Variants in MEGF9 observed in about 807,000 individuals in gnomAD.
MEGF9 encodes multiple EGF like domains 9.
MEGF9 carries 6 observed loss-of-function variants against 46.8 expected under a neutral mutation model. The ratio of observed to expected loss-of-function variants is 0.13; its 90% CI spans 0.07 to 0.25. The LOEUF (loss-of-function observed/expected upper bound fraction) is 0.25, where lower values mean the gene tolerates loss of function less well. Among genes scored for constraint, MEGF9 ranks in the 10% least tolerant of loss-of-function variants. The pLI, the probability that MEGF9 is intolerant of heterozygous loss-of-function variation, is 1.00. For synonymous variants in MEGF9, 302 were observed against 330.7 expected, an observed-to-expected ratio of 0.91 and a Z score of 0.94; for missense variants, 683 against 792.4, an observed-to-expected ratio of 0.86 and a Z score of 1.66.
At chr9:120,708,292 G>C (rs982303604) in intron 1 of MEGF9, among the ~76,000 whole-genome samples, 2 of 152,156 alleles carry the variant, frequency 1.3e-5, no homozygotes, top group African/African-American at 2.4e-5. Flanking sequence ...TTGAACCGGG[G>C]AGGTGGAGGT....
intron 4 of MEGF9, 110 bp from the exon 5 acceptor site, chr9:120,608,120 A>G: frequency 8.0e-7 from 1 of 1,253,366 alleles, no homozygotes; most frequent in Non-Finnish European, 1.1e-6. Flanking sequence ...TTTGGAGGCC[A>G]AGGTGGAAGG....
rs1052566709 is a variant in MEGF9 at position 120,604,524 on chromosome 9, T to C, written c.*666A>G. 1 of 152,784 alleles carries C rather than the reference T, an allele frequency of 6.5e-6. No homozygotes were observed. Among genetic ancestry groups the C allele is most frequent in the Non-Finnish European group, 1.5e-5 (1 of 68,162 alleles). The allele number at this position is 152,784 out of a possible 1,614,324, so 9.5% of individuals were successfully genotyped here. A position where few individuals can be genotyped will look rare whatever the true frequency, so the allele number is the denominator to read the frequency against. On this transcript the variant is annotated 3_prime_UTR_variant, in exon 6 of 6. Coordinates refer to ENST00000373930, the MANE Select transcript of MEGF9 (RefSeq NM_001080497.3). Reference sequence around the variant, plus strand: ...TTTTTAGACAATTTATCATTTACACTGAGACCCTGAGGAGGACCATCAGCC... The same window carrying C: ...TTTTTAGACAATTTATCATTTACACCGAGACCCTGAGGAGGACCATCAGCC...
At position 120,602,612 on chromosome 9, in the gene MEGF9, A is replaced by C. The variant is rs2043402026; in HGVS notation, c.*2578T>G. The stretch of plus-strand genomic sequence containing the variant: ...TAAAGGTAAACTTTCTTTGTGATTC[A>C]ATTTTTCAATACCTTTTAAGGTCTG... On this transcript the variant is annotated 3_prime_UTR_variant, in exon 6 of 6. Coordinates refer to ENST00000373930, the MANE Select transcript of MEGF9 (RefSeq NM_001080497.3). The C allele has an allele frequency of 6.6e-6, 1 of 152,168 alleles. No homozygotes were observed. Among genetic ancestry groups the C allele is most frequent in the African/African-American group, 2.4e-5 (1 of 41,428 alleles). 9.4% of individuals were successfully genotyped at this position (152,168 alleles called of 1,614,324 possible). A position where few individuals can be genotyped will look rare whatever the true frequency, so the allele number is the denominator to read the frequency against.
intron 2 of MEGF9, among the ~76,000 whole-genome samples, chr9:120,652,598 A>ACACACAC (rs1472868910): frequency 6.6e-6 from 1 of 151,696 alleles, no homozygotes; most frequent in African/African-American, 2.4e-5. Flanking sequence ...AGGCACACAC[A>ACACACAC]CACACACACA....
rs1164763787 is a variant in MEGF9, at chr9:120,612,448, T to G, written c.1035A>C (p.Glu345Asp). 3.7e-6 allele frequency: 6 copies of G among 1,613,596 alleles called. No homozygotes were observed. Among genetic ancestry groups the G allele is most frequent in the Non-Finnish European group, 4.2e-6 (5 of 1,179,716 alleles). ...GFYQSPDATK[E>D]CLRCPCSAVT... ...CTGCTGAACAAGGGCAGCGAAGACA[T>G]TCTTTAGTGGCATCAGGACTCTGAT... Residue 345 changes from glutamate to aspartate, a missense_variant, in exon 4 of 6, where the codon GAA (glutamate) becomes GAC (aspartate). Around this residue, in one of 2 missense-constraint regions of MEGF9, gnomAD observed 313 missense variants for 421.1 expected, o/e 0.74. Transcript: ENST00000373930.
intron 1 of MEGF9, among the ~76,000 whole-genome samples, chr9:120,686,632 T>A (rs1413724319): frequency 1.3e-5 from 2 of 152,248 alleles, no homozygotes; most frequent in Non-Finnish European, 2.9e-5. Context: ...AAGTTAGAGA[T>A]CTGATTATCT....
At chr9:120,709,412 CA>C (rs796930010) in intron 1 of MEGF9, among the ~76,000 whole-genome samples, 2,836 of 118,466 alleles carry the variant, frequency 0.024, 79 homozygotes, top group African/African-American at 0.078. Context: ...AACTCCATCT[CA>C]AAAAAAAAAA....
rs575123469 is a variant in MEGF9, at chr9:120,688,022, C to T, written c.601+25736G>A. ...AGCATTTCTCATAAACAAATATCAT[C>T]GTACTCAAACTTGTACTATAGAAAT... On this transcript the variant is annotated intron_variant, in intron 1 of 5. Transcript: ENST00000373930. 4.6e-5 allele frequency among the ~76,000 whole-genome samples: 7 copies of T among 151,992 alleles called. No homozygotes were observed. In the East Asian group the frequency reaches 5.8e-4, roughly 13 times the overall value.
chr9:120,651,145 T>G lies in MEGF9; in HGVS notation c.803+8229A>C, dbSNP rs116802095. ...TTTGTTCATCAAAGGGCTGGTCCTT[T>G]CATGCTCTAATTTCTACTACGCCAA... is the stretch of plus-strand genomic sequence containing the variant. On this transcript the variant is annotated intron_variant, in intron 2 of 5. Transcript: ENST00000373930. 7.4e-3 allele frequency among the ~76,000 whole-genome samples: 1,121 copies of G among 152,334 alleles called. 16 individuals carry two copies. Among genetic ancestry groups the G allele is most frequent in the African/African-American group, 0.025 (1,052 of 41,576 alleles).
At chr9:120,695,953 G>A (rs1009554034) in intron 1 of MEGF9, among the ~76,000 whole-genome samples, 6 of 152,190 alleles carry the variant, frequency 3.9e-5, no homozygotes, top group Non-Finnish European at 5.9e-5. Context: ...TACCTGGCTT[G>A]GAATTAGAAA....
chr9:120,638,479 T>C (rs2043588590), intron 2 of MEGF9, among the ~76,000 whole-genome samples: 1 of 152,224 alleles, frequency 6.6e-6, no homozygotes, highest in Non-Finnish European at 1.5e-5. Flanking sequence ...CTAAGTCCTT[T>C]ATACCCAAGT....
intron 1 of MEGF9, among the ~76,000 whole-genome samples, chr9:120,676,168 G>A (rs1336018156): frequency 1.3e-5 from 2 of 151,624 alleles, no homozygotes; most frequent in African/African-American, 2.4e-5. Context: ...CAGTGGCTCT[G>A]GCCTGCATTC....
intron 1 of MEGF9, among the ~76,000 whole-genome samples, chr9:120,697,719 A>G (rs1564430391): frequency 6.6e-6 from 1 of 151,278 alleles, no homozygotes; most frequent in African/African-American, 2.4e-5. Flanking sequence ...CCCAACCTCC[A>G]CTCCACACCC....
intron 1 of MEGF9, among the ~76,000 whole-genome samples, chr9:120,704,561 T>C (rs1386883231): frequency 1.3e-5 from 2 of 152,152 alleles, no homozygotes; most frequent in Non-Finnish European, 2.9e-5. Flanking sequence ...AGATTTACAC[T>C]TAACAAAATA....
intron 2 of MEGF9, among the ~76,000 whole-genome samples, chr9:120,628,470 T>TTG (rs2043536153): frequency 8.2e-6 from 1 of 121,948 alleles, no homozygotes; most frequent in Admixed American, 7.7e-5. Context: ...TTGTCGTTGT[T>TTG]TTTTTTTTTT....
intron 2 of MEGF9, among the ~76,000 whole-genome samples, chr9:120,627,134 TA>T (rs1171163405): frequency 1.3e-5 from 2 of 151,890 alleles, no homozygotes; most frequent in African/African-American, 4.8e-5. Flanking sequence ...GTAGCAAAAA[TA>T]TGGCTAGAAA....
intron 2 of MEGF9, among the ~76,000 whole-genome samples, chr9:120,647,085 C>T (rs2043629074): frequency 6.6e-6 from 1 of 151,194 alleles, no homozygotes; most frequent in Non-Finnish European, 1.5e-5. Context: ...TAATCAACGG[C>T]AATATCAACA....
At chr9:120,666,012 T>G (rs1048748877) in intron 1 of MEGF9, among the ~76,000 whole-genome samples, 4 of 152,222 alleles carry the variant, frequency 2.6e-5, no homozygotes, top group African/African-American at 9.6e-5. Context: ...TGTAGTATAT[T>G]TTGAAGTCAG....
intron 2 of MEGF9, among the ~76,000 whole-genome samples, chr9:120,625,945 G>GTC (rs754730232): frequency 6.6e-6 from 1 of 151,634 alleles, no homozygotes; most frequent in Non-Finnish European, 1.5e-5. Flanking sequence ...CCCTTTCATG[G>GTC]TCTCTCTCTG....
Sources: gnomAD v4.1 joint callset for allele counts (sites outside exome capture counted in the v4.1 genomes callset) on GRCh38, gnomAD v4.1.1 for gene constraint, gnomAD v4.1.1 regional missense constraint, MANE v1.5 for transcripts, NCBI Gene and HGNC (gene_info 2026-07-23, HGNC 2026-07-21) for gene names.